The following TALDO1 variants were observed in gnomAD, a reference collection of about 807,000 sequenced individuals.
The protein encoded by TALDO1 is transaldolase 1, also known as transaldolase.
TALDO1 carries 29 observed loss-of-function variants against 38.1 expected under a neutral mutation model. The observed-to-expected ratio is 0.76, with a 90% CI of 0.57 to 1.04. The LOEUF is 1.04. Among genes scored for constraint, TALDO1 ranks in the 50% least tolerant of loss-of-function variants. The pLI, the probability that TALDO1 is intolerant of heterozygous loss-of-function variation, is 0.00. For missense variants in TALDO1, 499 were observed against 438.1 expected, an observed-to-expected ratio of 1.14 and a Z score of -1.24; for synonymous variants, 207 against 176.8, an observed-to-expected ratio of 1.17 and a Z score of -1.36.
intron 4 of TALDO1, 97 bp from the exon 5 acceptor site, chr11:763,247 A>ACCCGCCCCCG (rs1365719703): frequency 6.2e-5 from 2 of 32,196 alleles, no homozygotes; most frequent in East Asian, 1.4e-3. Flanking sequence ...CCCCGCCCTC[A>ACCCGCCCCCG]CCCATCCCCG....
chr11:761,228 T>G (rs566146504), intron 4 of TALDO1, among the ~76,000 whole-genome samples: 10 of 149,262 alleles, frequency 6.7e-5, no homozygotes, highest in Non-Finnish European at 1.5e-4. Context: ...CCTAGCTACA[T>G]GGGAGGCTGA....
intron 2 of TALDO1, among the ~76,000 whole-genome samples, chr11:756,549 T>G (rs540086145): frequency 1.5e-4 from 23 of 151,344 alleles, no homozygotes; most frequent in Admixed American, 7.9e-4. Context: ...GAGTTTTGCT[T>G]TTGTTGTCCA....
rs761746850 is a variant in TALDO1, at chr11:760,110, T to G, written c.330-12T>G. ...CGTGATCTGAGGGGATGGGTTCTTC[T>G]TGCTCCTACAGGCTCTCCTTTGATA... On this transcript the variant is annotated splice_polypyrimidine_tract_variant and intron_variant, in intron 3 of 7. Transcript: ENST00000319006. The G allele has an allele frequency of 1.9e-6, 3 of 1,613,786 alleles. No individual in the cohort carries two copies. The highest frequency in any genetic ancestry group is 2.2e-5 in the South Asian group (2 of 91,046).
At chr11:747,843 C>G (rs1228146499) in intron 1 of TALDO1, among the ~76,000 whole-genome samples, 1 of 152,078 alleles carries the variant, frequency 6.6e-6, no homozygotes, top group African/African-American at 2.4e-5. Flanking sequence ...GGAGCAGGGC[C>G]GGGGGCAGCC....
chr11:763,406 C>G lies in TALDO1; in HGVS notation c.524C>G (p.Ala175Gly). 6.2e-7 allele frequency: 1 copy of G among 1,613,606 alleles called. No homozygotes were observed. The highest frequency in any genetic ancestry group is 8.5e-7 in the Non-Finnish European group (1 of 1,179,928). Residue 175 changes from alanine to glycine, a missense_variant, in exon 5 of 8, where the codon GCT (alanine) becomes GGT (glycine). Coordinates refer to ENST00000319006, the MANE Select transcript of TALDO1 (RefSeq NM_006755.2). ...ACGTTACTCTTCTCCTTCGCCCAGG[C>G]TGTGGCCTGTGCCGAGGCGGGTGTG... ...NMTLLFSFAQ[A>G]VACAEAGVTL...
chr11:763,534 G>A lies in TALDO1; in HGVS notation c.637+15G>A. 1 of 1,613,674 alleles carries A rather than the reference G, an allele frequency of 6.2e-7. No individual in the cohort carries two copies. On this transcript the variant is annotated intron_variant, in intron 5 of 7. Transcript: ENST00000319006. The stretch of plus-strand genomic sequence containing the variant: ...GGAAGACCCTGGTGAGGGTCCCTCT[G>A]TGGTAATGGGGTAAGGGGAGCAGCC...
chr11:756,240 C>G, intron 2 of TALDO1: 1 of 563,670 alleles, frequency 1.8e-6, no homozygotes, highest in Non-Finnish European at 3.1e-6. Context: ...AAATACCACC[C>G]CAGTCAAGAT....
chr11:756,237 A>C (rs1590069039), intron 2 of TALDO1: 1 of 564,832 alleles, frequency 1.8e-6, no homozygotes. Flanking sequence ...TGTAAATACC[A>C]CCCCAGTCAA....
chr11:753,626 A>C (rs921979592), intron 1 of TALDO1, among the ~76,000 whole-genome samples: 7 of 151,938 alleles, frequency 4.6e-5, no homozygotes, highest in African/African-American at 1.7e-4. Flanking sequence ...CATGGGGCTG[A>C]GGCAGGAGAA....
chr11:759,174 AGAG>A, intron 3 of TALDO1, 117 bp downstream of exon 3: 2 of 863,704 alleles, frequency 2.3e-6, no homozygotes, highest in African/African-American at 1.7e-5. Flanking sequence ...CAAGGGCCCA[AGAG>A]GAGGTTTATT....
rs577900418 is a variant in TALDO1, at chr11:754,498, GTC to G, written c.98-1378_98-1377del. Among the ~76,000 whole-genome samples the G allele has an allele frequency of 5.2e-3, 798 of 152,230 alleles. 9 individuals are homozygous for G. Among genetic ancestry groups the G allele is most frequent in the Non-Finnish European group, 4.5e-3 (304 of 68,032 alleles). On this transcript the variant is annotated intron_variant, in intron 1 of 7. Coordinates refer to ENST00000319006, the MANE Select transcript of TALDO1 (RefSeq NM_006755.2). The stretch of plus-strand genomic sequence containing the variant: ...TTTGCTTATTTATTTATGAAACAGA[GTC>G]TCACTCTGTCACCCAGGCTGGAGTG...
At chr11:759,154 G>A (rs1298056915) in intron 3 of TALDO1, 97 bp downstream of exon 3, 1 of 1,055,250 alleles carries the variant, frequency 9.5e-7, no homozygotes, top group East Asian at 2.5e-5. Context: ...TCCACCCATG[G>A]TCTTCATCCC....
intron 2 of TALDO1, among the ~76,000 whole-genome samples, chr11:758,608 CTTTTT>C (rs925451883): frequency 1.4e-5 from 2 of 145,602 alleles, no homozygotes; most frequent in African/African-American, 2.6e-5. Flanking sequence ...TCAGAAGCTT[CTTTTT>C]TTTTTTCTTG....
At chr11:764,694 G>A in intron 7 of TALDO1, 119 bp from the exon 8 acceptor site, 1 of 1,522,926 alleles carries the variant, frequency 6.6e-7, no homozygotes, top group Non-Finnish European at 9.1e-7. Flanking sequence ...TGTGGCCGTG[G>A]CCCCCACACA....
At chr11:757,289 A>AATTTTT (rs760488488) in intron 2 of TALDO1, among the ~76,000 whole-genome samples, 1 of 135,596 alleles carries the variant, frequency 7.4e-6, no homozygotes. Flanking sequence ...ATGGCCCCAA[A>AATTTTT]TTTTTTTTTT....
At chr11:762,847 C>A (rs1459610999) in intron 4 of TALDO1, among the ~76,000 whole-genome samples, 1 of 152,190 alleles carries the variant, frequency 6.6e-6, no homozygotes, top group Non-Finnish European at 1.5e-5. Flanking sequence ...TGCAGGGTGG[C>A]CCCAGGAATG....
At chr11:760,324 C>G in intron 4 of TALDO1, 71 bp downstream of exon 4, 3 of 1,599,804 alleles carry the variant, frequency 1.9e-6, no homozygotes, top group South Asian at 2.2e-5. Flanking sequence ...TACATGGCAT[C>G]AGGCAAGTTT....
intron 3 of TALDO1, 66 bp downstream of exon 3, chr11:759,123 A>C: frequency 7.3e-7 from 1 of 1,366,816 alleles, no homozygotes; most frequent in Non-Finnish European, 1.0e-6. Context: ...CGTGGATGCC[A>C]ACATGAGGTC....
At chr11:759,114 G>A (rs1252795136) in intron 3 of TALDO1, 57 bp downstream of exon 3, 24 of 1,441,962 alleles carry the variant, frequency 1.7e-5, no homozygotes, top group East Asian at 4.6e-5. Context: ...AGTTGCACAC[G>A]TGGATGCCAA....
Sources: gnomAD v4.1 joint callset for allele counts (sites outside exome capture counted in the v4.1 genomes callset) on GRCh38, gnomAD v4.1.1 for gene constraint, MANE v1.5 for transcripts, NCBI Gene and HGNC (gene_info 2026-07-23, HGNC 2026-07-21) for gene names.